Variants in ADAMTS6 observed in about 807,000 individuals in gnomAD.
ADAMTS6 encodes ADAM metallopeptidase with thrombospondin type 1 motif 6.
Under a neutral mutation model 144.3 loss-of-function variants are expected in ADAMTS6, and 23 were observed. The observed-to-expected ratio is 0.16, with a 90% CI of 0.11 to 0.23. ADAMTS6 has a LOEUF of 0.23. Among genes scored for constraint, ADAMTS6 ranks in the 10% least tolerant of loss-of-function variants. The pLI is 1.00. For missense variants in ADAMTS6, 999 were observed against 1,379.6 expected (o/e 0.72, Z 4.37); for synonymous variants, 444 against 457.5 (o/e 0.97, Z 0.38).
intron 9 of ADAMTS6, among the ~76,000 whole-genome samples, chr5:65,306,795 T>A (rs79260300): frequency 0.016 from 2,377 of 152,336 alleles, 58 homozygotes; most frequent in African/African-American, 0.055. Flanking sequence ...GTTGAACATC[T>A]TTTTATACGC....
chr5:65,451,718 G>C, intron 6 of ADAMTS6, 98 bp from the exon 7 acceptor site: 6 of 1,387,502 alleles, frequency 4.3e-6, no homozygotes, highest in Non-Finnish European at 6.0e-6. Context: ...ATTAGAAGCA[G>C]TGTTTCTAGG....
chr5:65,172,025 C>G (rs1008020711), intron 23 of ADAMTS6, among the ~76,000 whole-genome samples: 3 of 128,316 alleles, frequency 2.3e-5, no homozygotes, highest in African/African-American at 9.1e-5. Context: ...GTGATGTTTA[C>G]AGGGTCAACA....
intron 11 of ADAMTS6, among the ~76,000 whole-genome samples, chr5:65,285,091 A>C (rs1763262996): frequency 6.6e-6 from 1 of 152,156 alleles, no homozygotes; most frequent in South Asian, 2.1e-4. Context: ...ACTTTATAAA[A>C]GCCTTTAATT....
At chr5:65,306,052 T>C (rs1389251244) in intron 9 of ADAMTS6, among the ~76,000 whole-genome samples, 1 of 152,222 alleles carries the variant, frequency 6.6e-6, no homozygotes, top group Admixed American at 6.5e-5. Flanking sequence ...TGTTTCTCAG[T>C]TGCAATGCAA....
rs181672300 is a variant in ADAMTS6, at chr5:65,399,005, C to T, written c.1073+52470G>A. Among the ~76,000 whole-genome samples the T allele has an allele frequency of 2.6e-3, 401 of 152,204 alleles. 3 individuals are homozygous for T. Among genetic ancestry groups the T allele is most frequent in the African/African-American group, 9.3e-3 (385 of 41,544 alleles). On this transcript the variant is annotated intron_variant, in intron 7 of 24. Coordinates refer to ENST00000381055, the MANE Select transcript of ADAMTS6 (RefSeq NM_197941.4). The stretch of plus-strand genomic sequence containing the variant: ...GGGTGCGGTGGCTCATGCCTGTAAT[C>T]CCAGCACTTGGGAGGCCGAGGTGGA...
At chr5:65,296,070 T>C (rs1303554476) in intron 10 of ADAMTS6, among the ~76,000 whole-genome samples, 5 of 152,130 alleles carry the variant, frequency 3.3e-5, no homozygotes, top group Non-Finnish European at 7.4e-5. Context: ...AGTTATACCA[T>C]AAAATATGAA....
chr5:65,464,248 G>GA (rs1372064951), intron 3 of ADAMTS6, among the ~76,000 whole-genome samples: 1 of 152,008 alleles, frequency 6.6e-6, no homozygotes, highest in Non-Finnish European at 1.5e-5. Context: ...TTTAAATGCA[G>GA]AAAAAATATA....
intron 15 of ADAMTS6, among the ~76,000 whole-genome samples, chr5:65,234,805 T>C (rs1758546063): frequency 6.6e-6 from 1 of 152,066 alleles, no homozygotes; most frequent in Admixed American, 6.6e-5. Flanking sequence ...ATACCTACAC[T>C]CCCATGTTCA....
At chr5:65,320,034 G>A (rs1490532340) in intron 9 of ADAMTS6, among the ~76,000 whole-genome samples, 2 of 151,990 alleles carry the variant, frequency 1.3e-5, no homozygotes, top group Non-Finnish European at 2.9e-5. Context: ...GTAGAGACGG[G>A]GTTTCTCCTT....
chr5:65,304,880 A>G (rs1743778316), intron 9 of ADAMTS6, among the ~76,000 whole-genome samples: 1 of 152,202 alleles, frequency 6.6e-6, no homozygotes, highest in Non-Finnish European at 1.5e-5. Context: ...TACTCAAAAG[A>G]TAACAAGTAA....
At chr5:65,457,324 C>T (rs1759286606) in intron 4 of ADAMTS6, among the ~76,000 whole-genome samples, 1 of 152,066 alleles carries the variant, frequency 6.6e-6, no homozygotes, top group African/African-American at 2.4e-5. Flanking sequence ...AATAAATAGA[C>T]TAGAGTTTGG....
intron 4 of ADAMTS6, among the ~76,000 whole-genome samples, chr5:65,454,186 G>A (rs952725889): frequency 6.6e-6 from 1 of 152,150 alleles, no homozygotes; most frequent in Non-Finnish European, 1.5e-5. Flanking sequence ...AGATGCTGGT[G>A]CCATGCTCTT....
intron 14 of ADAMTS6, among the ~76,000 whole-genome samples, chr5:65,252,219 A>T (rs57955326): frequency 6.6e-6 from 1 of 152,132 alleles, no homozygotes; most frequent in African/African-American, 2.4e-5. Context: ...TCCTTTTCTC[A>T]TGACCACAAG....
chr5:65,417,374 G>A (rs1310327081), intron 7 of ADAMTS6, among the ~76,000 whole-genome samples: 1 of 152,142 alleles, frequency 6.6e-6, no homozygotes, highest in Non-Finnish European at 1.5e-5. Context: ...GGAAGAGCTA[G>A]CCAGAGCAAT....
chr5:65,221,547 T>C (rs1243951015), intron 18 of ADAMTS6, among the ~76,000 whole-genome samples: 1 of 152,098 alleles, frequency 6.6e-6, no homozygotes, highest in Non-Finnish European at 1.5e-5. Context: ...TTAAAAACAA[T>C]AACAACAAGG....
intron 11 of ADAMTS6, among the ~76,000 whole-genome samples, chr5:65,275,121 G>C (rs540205920): frequency 6.7e-6 from 1 of 149,018 alleles, no homozygotes; most frequent in South Asian, 2.1e-4. Flanking sequence ...TTAGGAGGTC[G>C]AGGTGGGAAG....
rs538109925 is a variant in ADAMTS6, at chr5:65,373,958, G to A, written c.1074-39873C>T. ...GGGATGCAAGGCTGGTTCAATATACGCAAATCAGTACATGTAATCCAGCAT... is the reference window on the plus strand; with the variant it reads ...GGGATGCAAGGCTGGTTCAATATACACAAATCAGTACATGTAATCCAGCAT... On this transcript the variant is annotated intron_variant, in intron 7 of 24. Coordinates refer to ENST00000381055, the MANE Select transcript of ADAMTS6 (RefSeq NM_197941.4). 2.4e-3 allele frequency among the ~76,000 whole-genome samples: 358 copies of A among 152,224 alleles called. 3 individuals carry two copies. The highest frequency in any genetic ancestry group is 8.3e-3 in the African/African-American group (343 of 41,528).
At chr5:65,294,385 T>C (rs191437868) in intron 10 of ADAMTS6, among the ~76,000 whole-genome samples, 65 of 152,268 alleles carry the variant, frequency 4.3e-4, no homozygotes, top group African/African-American at 1.4e-3. Flanking sequence ...AATTTTTGTA[T>C]CTTTTGTAGA....
chr5:65,294,266 C>T (rs965143344), intron 10 of ADAMTS6, among the ~76,000 whole-genome samples: 3 of 152,178 alleles, frequency 2.0e-5, no homozygotes, highest in African/African-American at 7.2e-5. Context: ...GTCACCCAGG[C>T]TGGAGTGAAG....
Sources: gnomAD v4.1 joint callset for allele counts (sites outside exome capture counted in the v4.1 genomes callset) on GRCh38, gnomAD v4.1.1 for gene constraint, MANE v1.5 for transcripts, NCBI Gene and HGNC (gene_info 2026-07-23, HGNC 2026-07-21) for gene names.